Variants in EYA2 observed in about 807,000 individuals in gnomAD.
EYA2 encodes the protein protein phosphatase EYA2.
EYA2 carries 31 observed loss-of-function variants against 69.2 expected under a neutral mutation model. The observed-to-expected ratio is 0.45, with a 90% confidence interval of 0.34 to 0.60. The LOEUF is 0.60. Among genes scored for constraint, EYA2 ranks in the 20% least tolerant of loss-of-function variants. EYA2 has a pLI of 0.02. For synonymous variants in EYA2, 257 were observed against 279.4 expected, an observed-to-expected ratio of 0.92 and a Z score of 0.80; for missense variants, 622 against 701.2, an observed-to-expected ratio of 0.89 and a Z score of 1.28.
chr20:47,114,668 T>C (rs2032843432), intron 9 of EYA2, among the ~76,000 whole-genome samples: 1 of 152,146 alleles, frequency 6.6e-6, no homozygotes, highest in African/African-American at 2.4e-5. Context: ...CTGAGAGAGT[T>C]TGGATATTTG....
intron 14 of EYA2, among the ~76,000 whole-genome samples, chr20:47,181,149 G>A (rs2034530229): frequency 6.6e-6 from 1 of 152,144 alleles, no homozygotes; most frequent in South Asian, 2.1e-4. Context: ...TTTCCAAAGT[G>A]TCTGTATGAG....
In EYA2 at chr20:47,172,821, C is replaced by G. The variant is rs1324686219; in HGVS notation, c.1152C>G (p.Tyr384Ter). ...VDWMRKLAFR[Y>*]RRVKEMYNTY... ...GGATGAGGAAGCTGGCCTTCCGCTACCGGCGGGTGAAGGAGATGTACAATA... is the reference window on the plus strand; with the variant it reads ...GGATGAGGAAGCTGGCCTTCCGCTAGCGGCGGGTGAAGGAGATGTACAATA... Residue 384 changes from tyrosine (Y) to a stop codon, truncating the protein, a stop_gained, in exon 12 of 16, where the codon TAC becomes TAG. Transcript: ENST00000327619. LOFTEE classifies it high-confidence loss of function. 4 of 1,614,046 alleles carry G rather than the reference C, an allele frequency of 2.5e-6. No homozygotes were observed. The highest frequency in any genetic ancestry group is 3.4e-6 in the Non-Finnish European group (4 of 1,179,974).
chr20:47,086,387 T>C (rs1369359552), intron 7 of EYA2, among the ~76,000 whole-genome samples: 1 of 151,672 alleles, frequency 6.6e-6, no homozygotes, highest in Non-Finnish European at 1.5e-5. Context: ...AGAAAAGAGG[T>C]TTAATTGTCT....
At chr20:46,910,100 A>G (rs1257262408) in intron 1 of EYA2, among the ~76,000 whole-genome samples, 1 of 152,214 alleles carries the variant, frequency 6.6e-6, no homozygotes, top group Non-Finnish European at 1.5e-5. Context: ...CACTGCTATA[A>G]AGAAATACCT....
At chr20:47,148,607 C>G (rs1432712810) in intron 10 of EYA2, among the ~76,000 whole-genome samples, 1 of 152,184 alleles carries the variant, frequency 6.6e-6, no homozygotes, top group Admixed American at 6.5e-5. Context: ...ACTGCTGCAG[C>G]TTGGGCATAA....
intron 5 of EYA2, among the ~76,000 whole-genome samples, chr20:47,051,057 G>A (rs936377183): frequency 1.3e-5 from 2 of 152,256 alleles, no homozygotes; most frequent in African/African-American, 2.4e-5. Flanking sequence ...TTAGAACAGA[G>A]GCTATAACAT....
intron 6 of EYA2, 34 bp from the exon 7 acceptor site, chr20:47,074,124 C>G (rs2031420143): frequency 6.5e-7 from 1 of 1,543,958 alleles, no homozygotes; most frequent in Admixed American, 1.8e-5. Context: ...AAGGCTTCCT[C>G]ACATATGTCC....
At chr20:47,115,577 G>C (rs2032866868) in intron 9 of EYA2, among the ~76,000 whole-genome samples, 1 of 151,942 alleles carries the variant, frequency 6.6e-6, no homozygotes, top group African/African-American at 2.4e-5. Flanking sequence ...TGCTGTGTCT[G>C]TCTCTTGAAT....
Position 46,986,343 on chromosome 20 carries a change from A to G in EYA2, c.-10-3658A>G, listed in dbSNP as rs867087160. 4.1e-3 allele frequency among the ~76,000 whole-genome samples: 297 copies of G among 72,104 alleles called. 1 individual carries two copies. The highest frequency in any genetic ancestry group is 0.013 in the South Asian group (27 of 2,046). 47.3% of individuals were successfully genotyped at this position (72,104 alleles called of 152,430 possible). A position where few individuals can be genotyped will look rare whatever the true frequency, so the allele number is the denominator to read the frequency against. On this transcript the variant is annotated intron_variant, in intron 1 of 15. Transcript: ENST00000327619. Reference sequence around the variant, plus strand: ...TATAATATCTCTATATATCTAATGTATATATATACACATTAGATATATTAT... The same window carrying G: ...TATAATATCTCTATATATCTAATGTGTATATATACACATTAGATATATTAT...
At chr20:47,164,171 C>A (rs76763757) in intron 10 of EYA2, among the ~76,000 whole-genome samples, 2,820 of 152,264 alleles carry the variant, frequency 0.019, 97 homozygotes, top group African/African-American at 0.064. Flanking sequence ...GAGGCTCCCC[C>A]ATCCTCGTGG....
At chr20:47,003,173 G>C (rs1319402599) in intron 3 of EYA2, among the ~76,000 whole-genome samples, 1 of 152,212 alleles carries the variant, frequency 6.6e-6, no homozygotes, top group Non-Finnish European at 1.5e-5. Flanking sequence ...GTGGCCTCTG[G>C]AGCCAGGGTT....
At chr20:47,061,229 T>G (rs968030148) in intron 5 of EYA2, among the ~76,000 whole-genome samples, 1 of 152,066 alleles carries the variant, frequency 6.6e-6, no homozygotes, top group Admixed American at 6.5e-5. Flanking sequence ...AGAATTGCCC[T>G]CCTTTAAGAA....
At chr20:47,065,812 G>A (rs2031087993) in intron 5 of EYA2, among the ~76,000 whole-genome samples, 1 of 152,176 alleles carries the variant, frequency 6.6e-6, no homozygotes, top group South Asian at 2.1e-4. Flanking sequence ...TCACACCTCA[G>A]TAGTGCTGTG....
intron 1 of EYA2, among the ~76,000 whole-genome samples, chr20:46,968,179 G>C (rs1052271385): frequency 6.6e-6 from 1 of 152,210 alleles, no homozygotes; most frequent in African/African-American, 2.4e-5. Flanking sequence ...GTGACCCTAG[G>C]GGGAGGACAA....
intron 1 of EYA2, among the ~76,000 whole-genome samples, chr20:46,922,419 A>C (rs890137671): frequency 6.6e-6 from 1 of 152,250 alleles, no homozygotes; most frequent in African/African-American, 2.4e-5. Flanking sequence ...TCTACTGTAC[A>C]TTCCAAAATG....
intron 1 of EYA2, among the ~76,000 whole-genome samples, chr20:46,950,514 C>T (rs573674199): frequency 3.3e-5 from 5 of 152,302 alleles, no homozygotes; most frequent in African/African-American, 1.2e-4. Flanking sequence ...CCTGCTCCTC[C>T]TTCTGGGTGC....
intron 5 of EYA2, among the ~76,000 whole-genome samples, chr20:47,047,061 A>C (rs73307700): frequency 0.029 from 4,382 of 152,296 alleles, 152 homozygotes; most frequent in African/African-American, 0.087. Context: ...TATCGTGTAC[A>C]TTTCTCAAAG....
chr20:46,928,015 A>G (rs575581695), intron 1 of EYA2, among the ~76,000 whole-genome samples: 28 of 152,174 alleles, frequency 1.8e-4, no homozygotes, highest in Non-Finnish European at 3.5e-4. Flanking sequence ...TGCTGCAGAC[A>G]CTGTTTTAAG....
At chr20:47,020,611 CAG>C (rs1472601630) in intron 5 of EYA2, among the ~76,000 whole-genome samples, 1 of 152,062 alleles carries the variant, frequency 6.6e-6, no homozygotes, top group Admixed American at 6.5e-5. Context: ...AAAAAATCTC[CAG>C]AGTGTGTTAT....
Sources: gnomAD v4.1 joint callset for allele counts (sites outside exome capture counted in the v4.1 genomes callset) on GRCh38, gnomAD v4.1.1 for gene constraint, MANE v1.5 for transcripts, NCBI Gene and HGNC (gene_info 2026-07-23, HGNC 2026-07-21) for gene names.